The following TMEM178B variants were observed in gnomAD, a reference collection of about 807,000 sequenced individuals.
TMEM178B encodes the protein transmembrane protein 178B.
A neutral mutation model predicts 31.0 loss-of-function variants in TMEM178B; 5 were observed. The observed-to-expected ratio is 0.16, with a 90% CI of 0.08 to 0.34. The LOEUF is 0.34. TMEM178B is among the 10% of genes least tolerant of loss of function. The pLI is 1.00. For missense variants in TMEM178B, 275 were observed against 400.3 expected (o/e 0.69, Z 2.67); for synonymous variants, 164 against 164.0 (o/e 1.00, Z 0.00).
the TMEM178B span, among the ~76,000 whole-genome samples, chr7:141,507,463 C>T: frequency 6.6e-6 from 1 of 152,208 alleles, no homozygotes; most frequent in Non-Finnish European, 1.5e-5. Flanking sequence ...ACCTCTGCCA[C>T]CCGGGTTCAA....
In TMEM178B at chr7:141,430,634, A is replaced by G. The variant is rs369182379; in HGVS notation, c.497-6974A>G. Among the ~76,000 whole-genome samples, 7 of 152,236 alleles carry G rather than the reference A, an allele frequency of 4.6e-5. No individual in the cohort carries two copies. The East Asian group carries it at 1.2e-3, about 25-fold the overall frequency. On this transcript the variant is annotated intron_variant, in intron 2 of 3. Transcript: ENST00000565468. ...CATCTCTATATGGCTTCCCAGAATT[A>G]AAACCCCCACTTCCTTCAGAGGTGG...
intron 2 of TMEM178B, among the ~76,000 whole-genome samples, chr7:141,289,284 G>A (rs1358818648): frequency 1.3e-5 from 2 of 152,280 alleles, no homozygotes; most frequent in African/African-American, 2.4e-5. Flanking sequence ...ATAGCCTTAT[G>A]CAGGTTACTT....
intron 2 of TMEM178B, among the ~76,000 whole-genome samples, chr7:141,366,743 C>G (rs1442585765): frequency 1.3e-5 from 2 of 152,248 alleles, no homozygotes; most frequent in East Asian, 3.9e-4. Context: ...TGCTTCCTTT[C>G]CAGAATGTAG....
chr7:141,420,924 AC>A (rs1468867106), intron 2 of TMEM178B, among the ~76,000 whole-genome samples: 2 of 152,236 alleles, frequency 1.3e-5, no homozygotes, highest in South Asian at 2.1e-4. Context: ...CATTTGGTCT[AC>A]CCCCTAACTT....
intron 1 of TMEM178B, among the ~76,000 whole-genome samples, chr7:141,087,132 G>C (rs1220440932): frequency 6.6e-6 from 1 of 152,210 alleles, no homozygotes; most frequent in Non-Finnish European, 1.5e-5. Context: ...TCAGTGTGCA[G>C]GATGCAGGTT....
At position 141,476,041 on chromosome 7, in the gene TMEM178B, T is replaced by A. The variant is rs1190698959; in HGVS notation, c.*5255T>A. 6.6e-6 allele frequency: 1 copy of A among 152,164 alleles called. No individual in the cohort carries two copies. Among genetic ancestry groups the A allele is most frequent in the African/African-American group, 2.4e-5 (1 of 41,448 alleles). The allele number at this position is 152,164 out of a possible 1,614,324, so 9.4% of individuals were successfully genotyped here. ...GGGTGACAAAGAAATTGCAAAGTGA[T>A]TTGCAAACATGAAGTGTCATATGAG... is the stretch of plus-strand genomic sequence containing the variant. On this transcript the variant is annotated 3_prime_UTR_variant, in exon 4 of 4. Coordinates refer to ENST00000565468, the MANE Select transcript of TMEM178B (RefSeq NM_001195278.2).
rs371066884 is a variant in TMEM178B at position 141,428,236 on chromosome 7, C to T, written c.497-9372C>T. ...AAAAAAAATTAGCTGGGCATGGTGG[C>T]ACATGCCTGTTATCCCAGCTACTTG... On this transcript the variant is annotated intron_variant, in intron 2 of 3. Transcript: ENST00000565468. Among the ~76,000 whole-genome samples, 432 of 152,040 alleles carry T rather than the reference C, an allele frequency of 2.8e-3. 3 individuals are homozygous for T. Among genetic ancestry groups the T allele is most frequent in the African/African-American group, 9.8e-3 (406 of 41,490 alleles).
chr7:141,443,800 TG>T (rs1396650326), intron 3 of TMEM178B, among the ~76,000 whole-genome samples: 2 of 152,226 alleles, frequency 1.3e-5, no homozygotes, highest in Non-Finnish European at 2.9e-5. Context: ...TTCTTCTGCG[TG>T]GGAGGAGGTC....
intron 3 of TMEM178B, among the ~76,000 whole-genome samples, chr7:141,459,580 C>A (rs1802025909): frequency 6.6e-6 from 1 of 152,144 alleles, no homozygotes; most frequent in East Asian, 1.9e-4. Flanking sequence ...GCTAGGCATA[C>A]TTGGGGAAGA....
chr7:141,093,575 C>G (rs918043368), intron 1 of TMEM178B, among the ~76,000 whole-genome samples: 1 of 152,140 alleles, frequency 6.6e-6, no homozygotes, highest in African/African-American at 2.4e-5. Flanking sequence ...TGAAAGAGAT[C>G]ACCTAGAGAG....
intron 1 of TMEM178B, among the ~76,000 whole-genome samples, chr7:141,088,523 A>G (rs1403805705): frequency 6.6e-6 from 1 of 152,094 alleles, no homozygotes; most frequent in Non-Finnish European, 1.5e-5. Context: ...AGCCACGTCT[A>G]GGGCCATTTT....
At chr7:141,444,942 T>C (rs960272605) in intron 3 of TMEM178B, among the ~76,000 whole-genome samples, 1 of 151,918 alleles carries the variant, frequency 6.6e-6, no homozygotes, top group African/African-American at 2.4e-5. Flanking sequence ...TGTCTCCCTC[T>C]CTCCCTTCCC....
At chr7:141,451,649 T>TACCATGAAG (rs1417319145) in intron 3 of TMEM178B, among the ~76,000 whole-genome samples, 1 of 152,230 alleles carries the variant, frequency 6.6e-6, no homozygotes, top group Non-Finnish European at 1.5e-5. Context: ...TGAAGGGCAG[T>TACCATGAAG]GTTCTTGGGC....
chr7:141,157,762 A>T (rs1469337852), intron 1 of TMEM178B, among the ~76,000 whole-genome samples: 1 of 152,154 alleles, frequency 6.6e-6, no homozygotes, highest in Non-Finnish European at 1.5e-5. Context: ...TTCCGGCGTG[A>T]TGCCTGGCAC....
chr7:141,408,570 GAA>G (rs1450065928), intron 2 of TMEM178B, among the ~76,000 whole-genome samples: 1 of 152,190 alleles, frequency 6.6e-6, no homozygotes, highest in Non-Finnish European at 1.5e-5. Context: ...GACTGAATCA[GAA>G]AGAGTTGTGG....
intron 2 of TMEM178B, among the ~76,000 whole-genome samples, chr7:141,285,192 G>A (rs1295474026): frequency 2.7e-5 from 3 of 111,180 alleles, no homozygotes; most frequent in Admixed American, 1.4e-4. Flanking sequence ...ACGTAGTCTC[G>A]CTTTGTCGAG....
At chr7:141,505,906 A>G in the TMEM178B span, among the ~76,000 whole-genome samples, 1 of 151,924 alleles carries the variant, frequency 6.6e-6, no homozygotes, top group Non-Finnish European at 1.5e-5. Flanking sequence ...CCAGGTGCTG[A>G]CTCCCCACAA....
intron 2 of TMEM178B, among the ~76,000 whole-genome samples, chr7:141,349,445 A>G (rs1221988132): frequency 1.3e-5 from 2 of 152,280 alleles, no homozygotes; most frequent in East Asian, 3.9e-4. Flanking sequence ...AAACCCTGAG[A>G]TGGATGGGTT....
chr7:141,306,792 C>T (rs1440590782), intron 2 of TMEM178B, among the ~76,000 whole-genome samples: 1 of 152,152 alleles, frequency 6.6e-6, no homozygotes, highest in Non-Finnish European at 1.5e-5. Flanking sequence ...AAACCACACT[C>T]ATACCTACGT....
Sources: allele counts gnomAD v4.1 joint callset (sites outside exome capture counted in the v4.1 genomes callset), GRCh38; gene constraint gnomAD v4.1.1; transcripts MANE v1.5; gene names NCBI Gene and HGNC (gene_info 2026-07-23, HGNC 2026-07-21).